PEX5L: variants seen among roughly 807,000 people sequenced by gnomAD.
PEX5L encodes peroxisomal biogenesis factor 5 like.
PEX5L carries 30 observed loss-of-function variants against 84.0 expected under a neutral mutation model. That is an observed-to-expected ratio of 0.36 (90% CI 0.27 to 0.48). The LOEUF (loss-of-function observed/expected upper bound fraction) is 0.48. PEX5L is among the 20% of genes least tolerant of loss of function. PEX5L has a pLI of 0.99. For synonymous variants in PEX5L, 270 were observed against 283.1 expected, an observed-to-expected ratio of 0.95 and a Z score of 0.46; for missense variants, 533 against 754.6, an observed-to-expected ratio of 0.71 and a Z score of 3.44.
rs77388155 is a variant in PEX5L at position 179,899,510 on chromosome 3, C to G, written c.94-1264G>C. On this transcript the variant is annotated intron_variant, in intron 2 of 14. Transcript: ENST00000467460. Reference sequence around the variant, plus strand: ...AGAACTTAATAAAGCTTGATCGTTTCCATGCAACAAAAAGGATACAATTAC... The same window carrying G: ...AGAACTTAATAAAGCTTGATCGTTTGCATGCAACAAAAAGGATACAATTAC... Among the ~76,000 whole-genome samples, 4 of 152,130 alleles carry G rather than the reference C, an allele frequency of 2.6e-5. No individual in the cohort carries two copies. In the East Asian group the frequency reaches 5.8e-4, roughly 22 times the overall value.
chr3:179,797,115 A>C lies in PEX5L; in HGVS notation c.*4713T>G, dbSNP rs753480667. The C allele has an allele frequency of 6.6e-6, 1 of 152,242 alleles. No individual in the cohort carries two copies. The highest frequency in any genetic ancestry group is 1.5e-5 in the Non-Finnish European group (1 of 68,044). The allele number at this position is 152,242 out of a possible 1,614,324, so 9.4% of individuals were successfully genotyped here. On this transcript the variant is annotated 3_prime_UTR_variant, in exon 15 of 15. Coordinates refer to ENST00000467460, the MANE Select transcript of PEX5L (RefSeq NM_016559.3). ...ACCTTTATGTGCTGAGGCAGTCAAC[A>C]TGATTTAGTTTAGTAGCATTCAGAC...
At chr3:179,828,057 A>G (rs975475154) in intron 8 of PEX5L, among the ~76,000 whole-genome samples, 1 of 152,008 alleles carries the variant, frequency 6.6e-6, no homozygotes, top group Non-Finnish European at 1.5e-5. Context: ...ATGTCTGATC[A>G]CCTGGCCTGC....
chr3:179,875,608 T>TA, intron 5 of PEX5L, 131 bp from the exon 6 acceptor site: 1 of 630,872 alleles, frequency 1.6e-6, no homozygotes, highest in Non-Finnish European at 2.7e-6. Context: ...TGAAAAATCT[T>TA]ATCCAAGGGA....
chr3:180,022,875 A>C (rs978563551), intron 1 of PEX5L, among the ~76,000 whole-genome samples: 2 of 152,210 alleles, frequency 1.3e-5, no homozygotes, highest in African/African-American at 2.4e-5. Context: ...AGAGTATTAC[A>C]TGCATAAATG....
intron 5 of PEX5L, among the ~76,000 whole-genome samples, chr3:179,876,174 A>G (rs1322478104): frequency 6.6e-6 from 1 of 151,990 alleles, no homozygotes; most frequent in Admixed American, 6.5e-5. Context: ...CACTGAAACA[A>G]TCTTGGGGTT....
intron 3 of PEX5L, among the ~76,000 whole-genome samples, chr3:179,896,847 A>G (rs1395909081): frequency 6.6e-6 from 1 of 152,148 alleles, no homozygotes; most frequent in Non-Finnish European, 1.5e-5. Context: ...ACTCTGATTC[A>G]GTGTAAAACT....
chr3:179,976,992 C>G (rs1785865421), intron 1 of PEX5L, among the ~76,000 whole-genome samples: 1 of 152,120 alleles, frequency 6.6e-6, no homozygotes, highest in South Asian at 2.1e-4. Flanking sequence ...GAAACTGGTT[C>G]TCTTTTAAAA....
intron 7 of PEX5L, among the ~76,000 whole-genome samples, chr3:179,865,400 T>A (rs2108600935): frequency 6.6e-6 from 1 of 152,230 alleles, no homozygotes; most frequent in South Asian, 2.1e-4. Flanking sequence ...CGGTTAAAGA[T>A]CCTGAAACTT....
intron 1 of PEX5L, among the ~76,000 whole-genome samples, chr3:179,986,964 A>T (rs1286473219): frequency 2.6e-5 from 4 of 152,188 alleles, no homozygotes; most frequent in Non-Finnish European, 4.4e-5. Context: ...CAAGAACTTG[A>T]GACATGTAAT....
rs552608115 is a variant in PEX5L at position 179,967,604 on chromosome 3, T to G, written c.93+3990A>C. On this transcript the variant is annotated intron_variant, in intron 2 of 14. Transcript: ENST00000467460. ...GCAAACCTGGTTCTTTAAAGGTACCTTTGGTTGTAAATGGCTGTGGTTTTC... is the reference window on the plus strand; with the variant it reads ...GCAAACCTGGTTCTTTAAAGGTACCGTTGGTTGTAAATGGCTGTGGTTTTC... 2.0e-5 allele frequency among the ~76,000 whole-genome samples: 3 copies of G among 152,270 alleles called. No homozygotes were observed. The East Asian group carries it at 5.8e-4, about 29-fold the overall frequency.
At chr3:179,935,213 T>C (rs543045105) in intron 2 of PEX5L, among the ~76,000 whole-genome samples, 2 of 152,306 alleles carry the variant, frequency 1.3e-5, no homozygotes, top group South Asian at 4.1e-4. Context: ...AGGCACTGTG[T>C]AATGCTATGT....
At chr3:180,005,542 C>T (rs1439264400) in intron 1 of PEX5L, among the ~76,000 whole-genome samples, 3 of 152,196 alleles carry the variant, frequency 2.0e-5, no homozygotes, top group Admixed American at 1.3e-4. Flanking sequence ...TTCTGGCTAA[C>T]ATGGTGAAAC....
At chr3:179,885,865 C>T (rs1755693067) in intron 4 of PEX5L, among the ~76,000 whole-genome samples, 2 of 152,128 alleles carry the variant, frequency 1.3e-5, no homozygotes, top group South Asian at 4.1e-4. Flanking sequence ...GGCTTCTAGC[C>T]CTCAGAACTG....
At position 179,898,137 on chromosome 3, in the gene PEX5L, C is replaced by T; in HGVS notation, c.198+5G>A. On this transcript the variant is annotated splice_donor_5th_base_variant and intron_variant, in intron 3 of 14. Coordinates refer to ENST00000467460, the MANE Select transcript of PEX5L (RefSeq NM_016559.3). ...TTCCTACAGAAACCCTATGGGTCTGCCCACCTGTGATGTCATAGTAAGGAG... is the reference window on the plus strand; with the variant it reads ...TTCCTACAGAAACCCTATGGGTCTGTCCACCTGTGATGTCATAGTAAGGAG... The T allele has an allele frequency of 1.3e-6, 2 of 1,584,220 alleles. No homozygotes were observed. The highest frequency in any genetic ancestry group is 1.7e-6 in the Non-Finnish European group (2 of 1,152,988).
chr3:179,867,092 A>G (rs1033613563), intron 7 of PEX5L, among the ~76,000 whole-genome samples: 1 of 151,852 alleles, frequency 6.6e-6, no homozygotes, highest in African/African-American at 2.4e-5. Flanking sequence ...CCTTGTATGT[A>G]AAGGAGCCAA....
chr3:179,837,821 A>C (rs1384486037), intron 8 of PEX5L, among the ~76,000 whole-genome samples: 2 of 152,202 alleles, frequency 1.3e-5, no homozygotes, highest in African/African-American at 2.4e-5. Flanking sequence ...AAAATTAATA[A>C]ACAGGCTGCT....
chr3:179,881,069 C>T (rs146360347), intron 4 of PEX5L: 1 of 152,494 alleles, frequency 6.6e-6, no homozygotes, highest in Non-Finnish European at 1.5e-5. Flanking sequence ...TCACCCAGCT[C>T]ACGTAGGAAA....
chr3:179,826,065 C>T (rs1730381918), intron 8 of PEX5L, among the ~76,000 whole-genome samples: 2 of 152,000 alleles, frequency 1.3e-5, no homozygotes, highest in Non-Finnish European at 2.9e-5. Flanking sequence ...GAGGCTCTCA[C>T]CAAGCAATGT....
chr3:179,901,295 A>G lies in PEX5L; in HGVS notation c.94-3049T>C, dbSNP rs961029195. 5.9e-4 allele frequency among the ~76,000 whole-genome samples: 22 copies of G among 37,362 alleles called. 1 individual carries two copies. The highest frequency in any genetic ancestry group is 1.2e-3 in the Non-Finnish European group (21 of 17,784). The allele number at this position is 37,362 out of a possible 152,430, so 24.5% of individuals were successfully genotyped here. On this transcript the variant is annotated intron_variant, in intron 2 of 14. Transcript: ENST00000467460. Reference sequence around the variant, plus strand: ...CAGACTTCAGACTCAATTTTCAAAAACATTGTAAGATATATATGTAATTGT... The same window carrying G: ...CAGACTTCAGACTCAATTTTCAAAAGCATTGTAAGATATATATGTAATTGT...
Sources: allele counts gnomAD v4.1 joint callset (sites outside exome capture counted in the v4.1 genomes callset), GRCh38; gene constraint gnomAD v4.1.1; transcripts MANE v1.5; gene names NCBI Gene and HGNC (gene_info 2026-07-23, HGNC 2026-07-21).